The following PSMD14 variants were observed in gnomAD, a reference collection of about 807,000 sequenced individuals.
PSMD14 encodes the protein proteasome 26S subunit, non-ATPase 14.
PSMD14 carries 7 observed loss-of-function variants against 41.2 expected under a neutral mutation model. That is an observed-to-expected ratio of 0.17 (90% CI 0.10 to 0.32). The LOEUF (loss-of-function observed/expected upper bound fraction) is 0.32. PSMD14 is among the 10% of genes least tolerant of loss of function. The probability of loss-of-function intolerance (pLI) is 1.00; values close to 1 mark genes in which losing one functional copy is unlikely to be tolerated. For missense variants in PSMD14, 139 were observed against 375.6 expected (o/e 0.37, Z 5.21); for synonymous variants, 114 against 122.3 (o/e 0.93, Z 0.45).
chr2:161,340,868 G>T, intron 3 of PSMD14: 1 of 1,613,820 alleles, frequency 6.2e-7, no homozygotes, highest in Non-Finnish European at 8.5e-7. Flanking sequence ...TCATCTTCTC[G>T]TACTGGTTTC....
At chr2:161,405,939 A>G (rs975379298) in intron 10 of PSMD14, among the ~76,000 whole-genome samples, 2 of 152,164 alleles carry the variant, frequency 1.3e-5, no homozygotes, top group African/African-American at 4.8e-5. Flanking sequence ...GGCTAAGGGA[A>G]TAGAAGAGAA....
At chr2:161,373,343 A>T (rs1683464597) in intron 7 of PSMD14, among the ~76,000 whole-genome samples, 1 of 151,822 alleles carries the variant, frequency 6.6e-6, no homozygotes, top group Non-Finnish European at 1.5e-5. Context: ...GATTTGTATC[A>T]CTTGTTGGAC....
intron 10 of PSMD14, among the ~76,000 whole-genome samples, chr2:161,406,155 C>T (rs1683944726): frequency 1.3e-5 from 2 of 151,920 alleles, no homozygotes; most frequent in Non-Finnish European, 2.9e-5. Flanking sequence ...TGACCATTAG[C>T]AGAAAAAAGA....
intron 10 of PSMD14, among the ~76,000 whole-genome samples, chr2:161,397,285 G>A (rs1238829753): frequency 6.6e-6 from 1 of 152,186 alleles, no homozygotes; most frequent in Non-Finnish European, 1.5e-5. Context: ...GGTACGAAGA[G>A]TCTGGATTAC....
chr2:161,316,797 G>T (rs115644261), intron 2 of PSMD14, among the ~76,000 whole-genome samples: 1,689 of 152,172 alleles, frequency 0.011, 43 homozygotes, highest in African/African-American at 0.039. Context: ...TGTTAAATAT[G>T]TTTCCTCTTT....
intron 10 of PSMD14, among the ~76,000 whole-genome samples, chr2:161,403,494 G>A (rs1036917100): frequency 3.9e-5 from 6 of 152,050 alleles, no homozygotes; most frequent in Admixed American, 1.3e-4. Flanking sequence ...TGATTGAATC[G>A]TACACTTTAA....
At chr2:161,350,774 G>GATTTTGGAT (rs1365009498) in intron 3 of PSMD14, among the ~76,000 whole-genome samples, 1 of 152,230 alleles carries the variant, frequency 6.6e-6, no homozygotes, top group Non-Finnish European at 1.5e-5. Flanking sequence ...AGATTTTGGA[G>GATTTTGGAT]ATTTTGGATA....
At chr2:161,359,258 C>G (rs1476368106) in intron 3 of PSMD14, among the ~76,000 whole-genome samples, 1 of 152,152 alleles carries the variant, frequency 6.6e-6, no homozygotes, top group Non-Finnish European at 1.5e-5. Flanking sequence ...AGGTGTGAGC[C>G]ACTGTGCCTG....
chr2:161,320,373 G>A (rs1332319625), intron 3 of PSMD14, among the ~76,000 whole-genome samples: 4 of 152,144 alleles, frequency 2.6e-5, no homozygotes, highest in Non-Finnish European at 5.9e-5. Flanking sequence ...TACATTATAT[G>A]TCAATGGCGA....
intron 9 of PSMD14, among the ~76,000 whole-genome samples, chr2:161,393,730 G>A (rs919832546): frequency 2.0e-5 from 3 of 151,262 alleles, no homozygotes; most frequent in African/African-American, 7.3e-5. Flanking sequence ...TCACAATTTT[G>A]TGAATCATCC....
intron 3 of PSMD14, among the ~76,000 whole-genome samples, chr2:161,363,134 G>A (rs1187525165): frequency 6.6e-6 from 1 of 152,156 alleles, no homozygotes; most frequent in African/African-American, 2.4e-5. Context: ...AGCACAAACA[G>A]TATTTTGAAC....
chr2:161,368,016 T>G (rs939485020), intron 5 of PSMD14, 113 bp downstream of exon 5: 10 of 1,236,738 alleles, frequency 8.1e-6, no homozygotes, highest in Middle Eastern at 2.1e-4. Context: ...TAGGAAAAAT[T>G]AATCATAAGT....
chr2:161,327,946 CTGTGTGTGTGTGTG>C (rs369674882), intron 3 of PSMD14, among the ~76,000 whole-genome samples: 7 of 117,116 alleles, frequency 6.0e-5, no homozygotes, highest in African/African-American at 1.6e-4. Flanking sequence ...CTCATGTAAG[CTGTGTGTGTGTGTG>C]TGTGTGTGTG....
chr2:161,369,912 C>T (rs182215685), intron 5 of PSMD14, among the ~76,000 whole-genome samples, 195 bp from the exon 6 acceptor site: 124 of 152,114 alleles, frequency 8.2e-4, no homozygotes, highest in African/African-American at 2.8e-3. Context: ...TTAACTCGAT[C>T]GCCAACAGCA....
At chr2:161,351,711 C>CTG (rs1683119077) in intron 3 of PSMD14, among the ~76,000 whole-genome samples, 1 of 152,202 alleles carries the variant, frequency 6.6e-6, no homozygotes, top group East Asian at 1.9e-4. Flanking sequence ...TTCACTCATA[C>CTG]TGTATGTCTA....
chr2:161,316,186 G>A (rs1689146195), intron 1 of PSMD14, among the ~76,000 whole-genome samples: 1 of 152,168 alleles, frequency 6.6e-6, no homozygotes, highest in South Asian at 2.1e-4. Context: ...TAAAAGTTTT[G>A]AAATGTCTGT....
intron 3 of PSMD14, among the ~76,000 whole-genome samples, chr2:161,347,609 G>C (rs990143052): frequency 6.6e-6 from 1 of 152,194 alleles, no homozygotes; most frequent in Non-Finnish European, 1.5e-5. Flanking sequence ...TTAGCATTCA[G>C]AGATAGTGAA....
chr2:161,325,551 T>C (rs1682682806), intron 3 of PSMD14, among the ~76,000 whole-genome samples: 1 of 152,212 alleles, frequency 6.6e-6, no homozygotes, highest in African/African-American at 2.4e-5. Context: ...AATACTGTTT[T>C]CATGGATGAG....
intron 3 of PSMD14, among the ~76,000 whole-genome samples, chr2:161,322,852 A>T (rs1315943523): frequency 6.6e-6 from 1 of 152,184 alleles, no homozygotes; most frequent in Admixed American, 6.5e-5. Context: ...GAACTTGTAA[A>T]TAATCAAAGT....
Sources: gnomAD v4.1 joint callset for allele counts (sites outside exome capture counted in the v4.1 genomes callset) on GRCh38, gnomAD v4.1.1 for gene constraint, MANE v1.5 for transcripts, NCBI Gene and HGNC (gene_info 2026-07-23, HGNC 2026-07-21) for gene names.